The following DAB1 variants were observed in gnomAD, a reference collection of about 807,000 sequenced individuals.
DAB1 encodes the protein disabled homolog 1.
DAB1 carries 15 observed loss-of-function variants against 64.6 expected under a neutral mutation model. That is an observed-to-expected ratio of 0.23 (90% CI 0.16 to 0.36). DAB1 has a LOEUF of 0.36. Ranked by LOEUF, DAB1 falls within the 10% of genes least tolerant of loss-of-function variation. The pLI, the probability that DAB1 is intolerant of heterozygous loss-of-function variation, is 1.00. For missense variants in DAB1, 596 were observed against 706.7 expected (o/e 0.84, Z 1.78); for synonymous variants, 235 against 251.9 (o/e 0.93, Z 0.64).
intron 2 of DAB1, among the ~76,000 whole-genome samples, chr1:57,219,016 T>C (rs1273106755): frequency 6.6e-6 from 1 of 152,132 alleles, no homozygotes; most frequent in African/African-American, 2.4e-5. Context: ...CTGTAAATAA[T>C]CTAAGCAAAC....
At chr1:57,119,290 CT>C (rs1040469383) in intron 4 of DAB1, among the ~76,000 whole-genome samples, 9 of 152,110 alleles carry the variant, frequency 5.9e-5, no homozygotes, top group African/African-American at 2.2e-4. Flanking sequence ...AATAATTATA[CT>C]TGAAAGTGAA....
intron 5 of DAB1, among the ~76,000 whole-genome samples, chr1:57,905,153 A>G (rs1378782450): frequency 6.6e-6 from 1 of 152,030 alleles, no homozygotes. Context: ...AAACTTGCCC[A>G]AGTCACAAAA....
chr1:58,119,214 G>T (rs1652582368), intron 5 of DAB1, among the ~76,000 whole-genome samples: 1 of 104,548 alleles, frequency 9.6e-6, no homozygotes, highest in African/African-American at 3.9e-5. Flanking sequence ...ATCAAATATT[G>T]TGTGTGTGTG....
At chr1:57,148,518 C>A (rs572989520) in intron 2 of DAB1, among the ~76,000 whole-genome samples, 83 of 152,286 alleles carry the variant, frequency 5.5e-4, no homozygotes, top group African/African-American at 1.9e-3. Context: ...CTATCTGAGG[C>A]ACATACAATA....
intron 3 of DAB1, among the ~76,000 whole-genome samples, chr1:58,467,718 C>G (rs1328969490): frequency 6.6e-6 from 1 of 152,110 alleles, no homozygotes; most frequent in Admixed American, 6.5e-5. Context: ...TCACTAGAAA[C>G]AATTTGTTGG....
intron 5 of DAB1, among the ~76,000 whole-genome samples, chr1:58,014,279 T>C (rs1646709403): frequency 6.6e-6 from 1 of 152,228 alleles, no homozygotes; most frequent in Non-Finnish European, 1.5e-5. Context: ...TTCTTGAGGG[T>C]TATAATAAGG....
intron 3 of DAB1, among the ~76,000 whole-genome samples, chr1:58,344,277 T>G (rs1481941141): frequency 6.6e-6 from 1 of 152,094 alleles, no homozygotes; most frequent in African/African-American, 2.4e-5. Context: ...GTGACCCTTG[T>G]GTTAAAGAAT....
At chr1:57,692,858 G>A (rs3131771) in intron 6 of DAB1, among the ~76,000 whole-genome samples, 111,667 of 151,972 alleles carry the variant, frequency 0.73, 41,896 homozygotes, top group East Asian at 0.93. Flanking sequence ...GGGATAGTAC[G>A]AGATGCTACC....
chr1:57,906,280 A>G (rs889441017), intron 5 of DAB1, among the ~76,000 whole-genome samples: 2 of 152,182 alleles, frequency 1.3e-5, no homozygotes, highest in African/African-American at 4.8e-5. Flanking sequence ...CACTGCTCTA[A>G]ATGCCTCATA....
chr1:58,132,224 G>T (rs1653647400), intron 5 of DAB1, among the ~76,000 whole-genome samples: 2 of 152,168 alleles, frequency 1.3e-5, no homozygotes, highest in African/African-American at 4.8e-5. Flanking sequence ...CGATTTTCCA[G>T]GTGCGGTCCG....
intron 4 of DAB1, among the ~76,000 whole-genome samples, chr1:58,265,890 T>A (rs1661147588): frequency 6.6e-6 from 1 of 152,222 alleles, no homozygotes; most frequent in Non-Finnish European, 1.5e-5. Context: ...CATATTTGTC[T>A]AGTAAATTTT....
intron 7 of DAB1, among the ~76,000 whole-genome samples, chr1:57,451,332 C>T (rs1686349992): frequency 6.6e-6 from 1 of 152,184 alleles, no homozygotes. Flanking sequence ...ACTTAAGTTT[C>T]TAAGGCACCA....
At chr1:58,125,613 T>TA (rs1557661066) in intron 5 of DAB1, among the ~76,000 whole-genome samples, 1 of 151,904 alleles carries the variant, frequency 6.6e-6, no homozygotes, top group Admixed American at 6.6e-5. Context: ...GGATACTTTT[T>TA]AAAAAAATGT....
At chr1:57,220,531 C>A (rs1666781194) in intron 2 of DAB1, among the ~76,000 whole-genome samples, 1 of 152,110 alleles carries the variant, frequency 6.6e-6, no homozygotes, top group South Asian at 2.1e-4. Context: ...CATTGTACAA[C>A]CAGGGAAACA....
chr1:57,185,191 C>G (rs944345320), intron 2 of DAB1, among the ~76,000 whole-genome samples: 1 of 152,134 alleles, frequency 6.6e-6, no homozygotes. Context: ...TTCTGCAATT[C>G]TGCACAGTCC....
intron 5 of DAB1, among the ~76,000 whole-genome samples, chr1:58,087,660 G>T (rs1650399759): frequency 6.6e-6 from 1 of 152,108 alleles, no homozygotes; most frequent in African/African-American, 2.4e-5. Context: ...TTCTATCCAT[G>T]GCAGAATAGG....
intron 2 of DAB1, among the ~76,000 whole-genome samples, chr1:57,261,368 G>A (rs1296462306): frequency 6.6e-6 from 1 of 152,188 alleles, no homozygotes; most frequent in Non-Finnish European, 1.5e-5. Context: ...AGAGGTCTCA[G>A]GGCAATTTCT....
chr1:57,593,295 T>A (rs1421434135), intron 7 of DAB1, among the ~76,000 whole-genome samples: 1 of 152,220 alleles, frequency 6.6e-6, no homozygotes, highest in Non-Finnish European at 1.5e-5. Flanking sequence ...TCACTTGGCA[T>A]AATGTCAAGG....
chr1:57,542,101 T>G (rs79885235), intron 7 of DAB1, among the ~76,000 whole-genome samples: 1 of 152,156 alleles, frequency 6.6e-6, no homozygotes, highest in South Asian at 2.1e-4. Context: ...CTTGCCCAAA[T>G]AGAAAAATGT....
Sources: gnomAD v4.1 joint callset for allele counts (sites outside exome capture counted in the v4.1 genomes callset) on GRCh38, gnomAD v4.1.1 for gene constraint, MANE v1.5 for transcripts, NCBI Gene and HGNC (gene_info 2026-07-23, HGNC 2026-07-21) for gene names.